The following SKAP2 variants were observed in gnomAD, a reference collection of about 807,000 sequenced individuals.
SKAP2 encodes the protein src kinase-associated phosphoprotein 2.
In SKAP2, 28 loss-of-function variants were observed where a neutral mutation model predicts 54.9. That is an observed-to-expected ratio of 0.51 (90% CI 0.38 to 0.70). The LOEUF (loss-of-function observed/expected upper bound fraction) is 0.70. Among genes scored for constraint, SKAP2 ranks in the 30% least tolerant of loss-of-function variants. The probability of loss-of-function intolerance (pLI) is 0.00; values close to 1 mark genes in which losing one functional copy is unlikely to be tolerated. For synonymous variants in SKAP2, 137 were observed against 134.3 expected, an observed-to-expected ratio of 1.02 and a Z score of -0.14; for missense variants, 356 against 424.1, an observed-to-expected ratio of 0.84 and a Z score of 1.41.
At chr7:26,709,087 T>A (rs573605520) in intron 9 of SKAP2, among the ~76,000 whole-genome samples, 1 of 152,328 alleles carries the variant, frequency 6.6e-6, no homozygotes, top group Admixed American at 6.5e-5. Flanking sequence ...TCTAGACATG[T>A]ATATCTACAT....
At chr7:26,796,887 C>T (rs1783792816) in intron 4 of SKAP2, among the ~76,000 whole-genome samples, 1 of 152,118 alleles carries the variant, frequency 6.6e-6, no homozygotes, top group South Asian at 2.1e-4. Flanking sequence ...GGGTTGACAT[C>T]CCTAAACCCT....
At chr7:26,657,477 C>G in the SKAP2 span, among the ~76,000 whole-genome samples, 1 of 152,196 alleles carries the variant, frequency 6.6e-6, no homozygotes, top group African/African-American at 2.4e-5. Flanking sequence ...CTGATTGCTG[C>G]ACTGGTGGCT....
chr7:26,696,161 A>G (rs1268632125), intron 9 of SKAP2, among the ~76,000 whole-genome samples: 1 of 152,206 alleles, frequency 6.6e-6, no homozygotes, highest in Non-Finnish European at 1.5e-5. Flanking sequence ...TTATATTACT[A>G]TATTTTATTA....
intron 4 of SKAP2, among the ~76,000 whole-genome samples, chr7:26,834,038 A>G (rs903329902): frequency 7.2e-5 from 11 of 152,202 alleles, no homozygotes; most frequent in Admixed American, 7.2e-4. Context: ...GGATTAAGAA[A>G]CTCACTCAAC....
At chr7:26,805,851 T>C (rs1784014248) in intron 4 of SKAP2, among the ~76,000 whole-genome samples, 1 of 152,250 alleles carries the variant, frequency 6.6e-6, no homozygotes, top group African/African-American at 2.4e-5. Context: ...TTTCACTTTA[T>C]TGCACATTGC....
At chr7:26,715,593 A>G (rs769381051) in intron 9 of SKAP2, among the ~76,000 whole-genome samples, 19 of 152,116 alleles carry the variant, frequency 1.2e-4, no homozygotes, top group Non-Finnish European at 2.5e-4. Context: ...CCTGGCTAAC[A>G]TGGTGAAACC....
intron 6 of SKAP2, among the ~76,000 whole-genome samples, chr7:26,728,943 T>G (rs1482748799): frequency 6.6e-6 from 1 of 152,046 alleles, no homozygotes; most frequent in Non-Finnish European, 1.5e-5. Context: ...GGTCTAAAAT[T>G]CTCATCAATG....
chr7:26,690,927 A>G (rs557301576), intron 9 of SKAP2, among the ~76,000 whole-genome samples: 2 of 152,296 alleles, frequency 1.3e-5, no homozygotes, highest in African/African-American at 2.4e-5. Context: ...CGTTTTCTCA[A>G]TCTTCACAGG....
chr7:26,735,851 A>G (rs1787919991), intron 6 of SKAP2, among the ~76,000 whole-genome samples: 1 of 152,210 alleles, frequency 6.6e-6, no homozygotes, highest in South Asian at 2.1e-4. Context: ...CAAGTAATTA[A>G]AAACTGTCTA....
At chr7:26,750,120 T>C (rs1375397964) in intron 4 of SKAP2, among the ~76,000 whole-genome samples, 1 of 152,084 alleles carries the variant, frequency 6.6e-6, no homozygotes, top group Admixed American at 6.6e-5. Flanking sequence ...AAATGCTATG[T>C]TCCACTGCTG....
intron 4 of SKAP2, among the ~76,000 whole-genome samples, chr7:26,804,869 A>G (rs1783994349): frequency 6.6e-6 from 1 of 152,220 alleles, no homozygotes; most frequent in Non-Finnish European, 1.5e-5. Context: ...GCCAGTTAAC[A>G]GTGAAATACC....
At chr7:26,757,196 T>G (rs1279760151) in intron 4 of SKAP2, among the ~76,000 whole-genome samples, 1 of 152,180 alleles carries the variant, frequency 6.6e-6, no homozygotes, top group Non-Finnish European at 1.5e-5. Flanking sequence ...ATTTGTCAAT[T>G]TTGTCTTTTG....
At chr7:26,661,366 C>G in the SKAP2 span, among the ~76,000 whole-genome samples, 68 of 152,086 alleles carry the variant, frequency 4.5e-4, no homozygotes, top group African/African-American at 1.4e-3. Context: ...TATTCACACA[C>G]AAACATTCAT....
intron 3 of SKAP2, among the ~76,000 whole-genome samples, chr7:26,851,101 A>G (rs1323729764): frequency 1.3e-5 from 2 of 151,980 alleles, no homozygotes; most frequent in Non-Finnish European, 2.9e-5. Flanking sequence ...TTCAACTACC[A>G]TATCAACTCA....
At chr7:26,793,919 A>G (rs1783717814) in intron 4 of SKAP2, among the ~76,000 whole-genome samples, 2 of 152,232 alleles carry the variant, frequency 1.3e-5, no homozygotes, top group African/African-American at 4.8e-5. Flanking sequence ...CTGTCAGGAA[A>G]TGTGCCTACC....
intron 4 of SKAP2, among the ~76,000 whole-genome samples, chr7:26,835,662 T>C (rs1483201817): frequency 6.6e-6 from 1 of 150,998 alleles, no homozygotes; most frequent in East Asian, 1.9e-4. Context: ...CAAGGAGAAC[T>C]ACAAACCACT....
chr7:26,726,347 C>A (rs1008009631), intron 7 of SKAP2, among the ~76,000 whole-genome samples: 2 of 152,124 alleles, frequency 1.3e-5, no homozygotes, highest in Non-Finnish European at 2.9e-5. Context: ...TTGTCAGATT[C>A]CAACACACTA....
rs1232604523 is a variant in SKAP2 at position 26,726,002 on chromosome 7, C to G, written c.595-16G>C. On this transcript the variant is annotated splice_polypyrimidine_tract_variant and intron_variant, in intron 7 of 12. Coordinates refer to ENST00000345317, the MANE Select transcript of SKAP2 (RefSeq NM_003930.5). ...CTGCTGTAAACTAATATAAAACAAA[C>G]AGTAAGAACGAAAATCACCATAGTA... 6.4e-7 allele frequency: 1 copy of G among 1,569,806 alleles called. No homozygotes were observed. The highest frequency in any genetic ancestry group is 8.8e-7 in the Non-Finnish European group (1 of 1,142,794).
intron 4 of SKAP2, 37 bp from the exon 5 acceptor site, chr7:26,740,001 G>A (rs10246483): frequency 0.1 from 138,475 of 1,322,370 alleles, 8,477 homozygotes; most frequent in African/African-American, 0.22. Flanking sequence ...AAAAGCAGTG[G>A]GTAATCCATT....
Sources: allele counts gnomAD v4.1 joint callset (sites outside exome capture counted in the v4.1 genomes callset), GRCh38; gene constraint gnomAD v4.1.1; transcripts MANE v1.5; gene names NCBI Gene and HGNC (gene_info 2026-07-23, HGNC 2026-07-21).